Variants in KIRREL1 observed in about 807,000 individuals in gnomAD.
KIRREL1 encodes kirre like nephrin family adhesion molecule 1.
In KIRREL1, 25 loss-of-function variants were observed where a neutral mutation model predicts 83.3. That is an observed-to-expected ratio of 0.30 (90% CI 0.22 to 0.42). The LOEUF is 0.42. Among genes scored for constraint, KIRREL1 ranks in the 10% least tolerant of loss-of-function variants. KIRREL1 has a pLI of 1.00. For synonymous variants in KIRREL1, 388 were observed against 410.4 expected (o/e 0.95, Z 0.66); for missense variants, 812 against 1,032.3 (o/e 0.79, Z 2.92).
Position 158,094,615 on chromosome 1 carries a change from C to T in KIRREL1, c.1798-29C>T. The T allele has an allele frequency of 6.5e-7, 1 of 1,527,758 alleles. No individual in the cohort carries two copies. The allele number at this position is 1,527,758 out of a possible 1,614,324, so 94.6% of individuals were successfully genotyped here. A position where few individuals can be genotyped will look rare whatever the true frequency, so the allele number is the denominator to read the frequency against. ...GATCCCCACCCAAGAGGGAACACTG[C>T]CTCCATCCTCTTCTCTCATTGCCCC... is the stretch of plus-strand genomic sequence containing the variant. On this transcript the variant is annotated intron_variant, in intron 14 of 14. Transcript: ENST00000359209. This position sits in a 1 kb window ranked among gnomAD's most constrained non-coding sequence, Gnocchi z 4.6.
chr1:158,056,817 G>A (rs1412371189), intron 1 of KIRREL1, among the ~76,000 whole-genome samples: 1 of 152,114 alleles, frequency 6.6e-6, no homozygotes, highest in African/African-American at 2.4e-5. Flanking sequence ...TGGAGCTATG[G>A]GGCTCACTCC....
chr1:158,061,222 A>G (rs1661208362), intron 1 of KIRREL1, among the ~76,000 whole-genome samples: 1 of 152,112 alleles, frequency 6.6e-6, no homozygotes, highest in Non-Finnish European at 1.5e-5. Flanking sequence ...GTAAATCGAG[A>G]GGGAATATTG....
intron 1 of KIRREL1, among the ~76,000 whole-genome samples, chr1:158,052,335 A>C (rs1195451592): frequency 1.3e-5 from 2 of 152,256 alleles, no homozygotes; most frequent in East Asian, 3.9e-4. Flanking sequence ...TGCTTGGTGA[A>C]CACCTATTAT....
chr1:158,093,725 T>A lies in KIRREL1; in HGVS notation c.1682T>A (p.Val561Asp). The change falls in exon 13 of 15, where the codon GTC (valine) becomes GAC (aspartate). Residue 561 changes from valine (V) to aspartate (D), a missense_variant. By Grantham distance (152) the Val-to-Asp change is radical. Coordinates refer to ENST00000359209, the MANE Select transcript of KIRREL1 (RefSeq NM_018240.7). ...GACCGGGAGGATGACACCGCCAGCG[T>A]CTCCACAGCAACCCGGGTCATGAAG... ...HSDREDDTAS[V>D]STATRVMKAI... The A allele has an allele frequency of 2.5e-6, 4 of 1,614,032 alleles. No individual in the cohort carries two copies. The highest frequency in any genetic ancestry group is 3.4e-6 in the Non-Finnish European group (4 of 1,179,982).
intron 1 of KIRREL1, among the ~76,000 whole-genome samples, chr1:158,016,832 G>A (rs1659839783): frequency 6.6e-6 from 1 of 152,152 alleles, no homozygotes. Context: ...GCTAAGCCTT[G>A]GAAAGACAAT....
chr1:158,057,391 C>G (rs1323035168), intron 1 of KIRREL1, among the ~76,000 whole-genome samples: 1 of 152,196 alleles, frequency 6.6e-6, no homozygotes, highest in Admixed American at 6.5e-5. Context: ...TGGAATCTTT[C>G]TCAGTCCTCT....
At chr1:158,032,672 C>T (rs769208695) in intron 1 of KIRREL1, among the ~76,000 whole-genome samples, 10 of 152,174 alleles carry the variant, frequency 6.6e-5, no homozygotes, top group African/African-American at 1.2e-4. Flanking sequence ...GTGTCCCAGG[C>T]GTAAGAACCG....
At chr1:158,061,617 T>G (rs1428238181) in intron 1 of KIRREL1, among the ~76,000 whole-genome samples, 1 of 152,154 alleles carries the variant, frequency 6.6e-6, no homozygotes, top group African/African-American at 2.4e-5. Flanking sequence ...TGGCCTCTCC[T>G]CTGGCTGGCA....
intron 1 of KIRREL1, among the ~76,000 whole-genome samples, chr1:158,048,054 C>T (rs942600822): frequency 3.9e-5 from 6 of 152,170 alleles, no homozygotes; most frequent in Admixed American, 3.3e-4. Flanking sequence ...ATCACATTCT[C>T]TTACTTTAAG....
At chr1:158,068,601 C>T (rs1326059688) in intron 1 of KIRREL1, among the ~76,000 whole-genome samples, 1 of 152,220 alleles carries the variant, frequency 6.6e-6, no homozygotes, top group African/African-American at 2.4e-5. Flanking sequence ...CCAGCCCCAG[C>T]TCAGCACTCC....
intron 3 of KIRREL1, among the ~76,000 whole-genome samples, chr1:158,082,510 A>G (rs1387452648): frequency 3.3e-5 from 5 of 152,188 alleles, no homozygotes. Flanking sequence ...AAACCCCAGC[A>G]TAGAGACCTT....
At position 158,097,292 on chromosome 1, in the gene KIRREL1, G is replaced by A. The variant is rs540867217; in HGVS notation, c.*2172G>A. 3.1e-6 allele frequency: 1 copy of A among 318,440 alleles called. No homozygotes were observed. Among genetic ancestry groups the A allele is most frequent in the African/African-American group, 2.2e-5 (1 of 46,054 alleles). 19.7% of individuals were successfully genotyped at this position (318,440 alleles called of 1,614,324 possible). On this transcript the variant is annotated 3_prime_UTR_variant, in exon 15 of 15. Coordinates refer to ENST00000359209, the MANE Select transcript of KIRREL1 (RefSeq NM_018240.7). ...CCATGGGGGAATCCAAAGACTTGAA[G>A]TCTAAAGATGGTGGCTTTTAAAACA...
At chr1:158,081,220 C>A (rs1661844383) in intron 3 of KIRREL1, among the ~76,000 whole-genome samples, 1 of 97,668 alleles carries the variant, frequency 1.0e-5, no homozygotes. Flanking sequence ...CCTAGCTCTG[C>A]CCTCTAACTC....
At chr1:158,049,502 C>A (rs765860188) in intron 1 of KIRREL1, among the ~76,000 whole-genome samples, 1 of 152,158 alleles carries the variant, frequency 6.6e-6, no homozygotes, top group Non-Finnish European at 1.5e-5. Context: ...GTAAAGTGCA[C>A]GTTGACCAGG....
chr1:158,042,994 A>G (rs1660677625), intron 1 of KIRREL1, among the ~76,000 whole-genome samples: 1 of 151,010 alleles, frequency 6.6e-6, no homozygotes, highest in Non-Finnish European at 1.5e-5. Context: ...AGGCTGAGGC[A>G]GGAGAATGGT....
At chr1:158,055,854 G>C (rs892368832) in intron 1 of KIRREL1, among the ~76,000 whole-genome samples, 6 of 152,342 alleles carry the variant, frequency 3.9e-5, no homozygotes, top group African/African-American at 1.4e-4. Context: ...TGGAGCATAA[G>C]GACAGGAGTC....
intron 1 of KIRREL1, among the ~76,000 whole-genome samples, chr1:158,031,475 A>G (rs548830708): frequency 6.6e-6 from 1 of 152,220 alleles, no homozygotes; most frequent in Admixed American, 6.5e-5. Context: ...CTCAGGGGCC[A>G]AGTGGGATGG....
chr1:158,018,362 T>G (rs927701), intron 1 of KIRREL1, among the ~76,000 whole-genome samples: 1 of 152,060 alleles, frequency 6.6e-6, no homozygotes, highest in African/African-American at 2.4e-5. Context: ...GGGGAAGGGC[T>G]GTGGGAACTG....
At chr1:158,056,383 C>T (rs1661058624) in intron 1 of KIRREL1, among the ~76,000 whole-genome samples, 1 of 152,214 alleles carries the variant, frequency 6.6e-6, no homozygotes. Flanking sequence ...GCAATTCCTC[C>T]TCACAGGGCA....
Sources: gnomAD v4.1 joint callset for allele counts (sites outside exome capture counted in the v4.1 genomes callset) on GRCh38, gnomAD v4.1.1 for gene constraint, Gnocchi (gnomAD v3.1) non-coding constraint, MANE v1.5 for transcripts, NCBI Gene and HGNC (gene_info 2026-07-23, HGNC 2026-07-21) for gene names.